The following SEMG2 variants were observed in gnomAD, a reference collection of about 807,000 sequenced individuals.
The protein encoded by SEMG2 is semenogelin-2.
In SEMG2, 3 loss-of-function variants were observed where a neutral mutation model predicts 8.1. That is an observed-to-expected ratio of 0.37 (90% CI 0.17 to 0.96). SEMG2 has a LOEUF of 0.96. Ranked by LOEUF, SEMG2 falls within the 40% of genes least tolerant of loss-of-function variation. The pLI is 0.41. For missense variants in SEMG2, 726 were observed against 671.2 expected, an observed-to-expected ratio of 1.08 and a Z score of -0.90; for synonymous variants, 252 against 231.4, an observed-to-expected ratio of 1.09 and a Z score of -0.81.
At position 45,222,511 on chromosome 20, in the gene SEMG2, A is replaced by G; in HGVS notation, c.879A>G (p.Thr293=). The part of the protein sequence containing the change: ...AHKISYPSSR[T]EERQLHHGEK... ...AAATATCATACCCGTCTTCACGTAC[A>G]GAAGAAAGACAACTTCACCATGGAG... Residue 293 remains threonine, a synonymous_variant, in exon 2 of 3, where the codon ACA becomes ACG. Coordinates refer to ENST00000372769, the MANE Select transcript of SEMG2 (RefSeq NM_003008.3). 6.2e-7 allele frequency: 1 copy of G among 1,613,998 alleles called. No individual in the cohort carries two copies. Among genetic ancestry groups the G allele is most frequent in the South Asian group, 1.1e-5 (1 of 91,056 alleles).
rs1308209997 is a variant in SEMG2, at chr20:45,221,997, A to AT, written c.369dup (p.His124SerfsTer8). 1 of 1,614,032 alleles carries AT rather than the reference A, an allele frequency of 6.2e-7. No homozygotes were observed. Among genetic ancestry groups the AT allele is most frequent in the Non-Finnish European group, 8.5e-7 (1 of 1,180,024 alleles). On this transcript the variant is annotated frameshift_variant, in exon 2 of 3. Coordinates refer to ENST00000372769, the MANE Select transcript of SEMG2 (RefSeq NM_003008.3). LOFTEE classifies it low-confidence loss of function (END_TRUNC). ...AGAGACCATGATAAATCAAAAGGTCATTTTCACATGATAGTTATACATCAT... is the reference window on the plus strand; with the variant it reads ...AGAGACCATGATAAATCAAAAGGTCATTTTTCACATGATAGTTATACATCAT...
At chr20:45,221,629 G>T in intron 1 of SEMG2, 80 bp from the exon 2 acceptor site, 1 of 1,415,906 alleles carries the variant, frequency 7.1e-7, no homozygotes, top group Non-Finnish European at 9.7e-7. Context: ...TCAGAAATTT[G>T]TTGGGAAAAG....
chr20:45,221,539 A>G (rs1984012528), intron 1 of SEMG2, 74 bp downstream of exon 1: 1 of 1,538,636 alleles, frequency 6.5e-7, no homozygotes, highest in East Asian at 2.2e-5. Flanking sequence ...GGGTGCAAAC[A>G]GTAACCTGTT....
In SEMG2 at chr20:45,223,352, A is replaced by G; in HGVS notation, c.1720A>G (p.Asn574Asp). 3.7e-6 allele frequency: 6 copies of G among 1,613,230 alleles called. No homozygotes were observed. Among genetic ancestry groups the G allele is most frequent in the Non-Finnish European group, 5.1e-6 (6 of 1,179,470 alleles). Reference protein sequence around the residue: ...AQDDHLTQQYNEDRNPIST With the variant: ...AQDDHLTQQYDEDRNPIST ...AGATGATCATTTGACACAACAATAT[A>G]ATGAAGACAGAAATCCAATATCTAC... The change falls in exon 2 of 3, where the codon AAT becomes GAT. Residue 574 changes from asparagine (N) to aspartate (D), a missense_variant. Coordinates refer to ENST00000372769, the MANE Select transcript of SEMG2 (RefSeq NM_003008.3).
chr20:45,222,981 T>A lies in SEMG2; in HGVS notation c.1349T>A (p.Val450Glu). 6.2e-7 allele frequency: 1 copy of A among 1,613,890 alleles called. No homozygotes were observed. Among genetic ancestry groups the A allele is most frequent in the Non-Finnish European group, 8.5e-7 (1 of 1,179,960 alleles). ...EKIHGKSQNQ[V>E]TIPSQDQEHG... ...ATACATGGCAAGTCTCAAAACCAGG[T>A]AACAATTCCTAGTCAAGATCAAGAG... is the stretch of plus-strand genomic sequence containing the variant. The change falls in exon 2 of 3, where the codon GTA (valine) becomes GAA (glutamate). Residue 450 changes from valine (V) to glutamate (E), a missense_variant. Transcript: ENST00000372769.
Position 45,222,117 on chromosome 20 carries a change from C to T in SEMG2, c.485C>T (p.Thr162Ile). The stretch of plus-strand genomic sequence containing the variant: ...GGATTATCCAGTCAATGTTCAAACA[C>T]AGAAAAAAGGCTATGGGTTCATGGA... Reference protein sequence around the residue: ...GKGLSSQCSNTEKRLWVHGLS... With the variant: ...GKGLSSQCSNIEKRLWVHGLS... Residue 162 changes from threonine (T) to isoleucine (I), a missense_variant, in exon 2 of 3, where the codon ACA (threonine) becomes ATA (isoleucine). Transcript: ENST00000372769. The T allele has an allele frequency of 6.2e-7, 1 of 1,613,180 alleles. No individual in the cohort carries two copies. The highest frequency in any genetic ancestry group is 8.5e-7 in the Non-Finnish European group (1 of 1,179,772).
In SEMG2 at chr20:45,221,798, C is replaced by T. The variant is rs1568840429; in HGVS notation, c.166C>T (p.His56Tyr). Residue 56 changes from histidine to tyrosine, a missense_variant, in exon 2 of 3, where the codon CAT (histidine) becomes TAT (tyrosine). By Grantham distance (83) the His-to-Tyr change is moderately conservative. Coordinates refer to ENST00000372769, the MANE Select transcript of SEMG2 (RefSeq NM_003008.3). ...QHYFGQKDQQ[H>Y]TKSKGSFSIQ... ...CTATTTTGGACAAAAAGACCAACAA[C>T]ATACTAAATCCAAAGGCAGTTTTTC... The T allele has an allele frequency of 1.2e-6, 2 of 1,614,154 alleles. No individual in the cohort carries two copies. The highest frequency in any genetic ancestry group is 2.2e-5 in the South Asian group (2 of 91,078).
At position 45,221,414 on chromosome 20, in the gene SEMG2, C is replaced by T. The variant is rs1406283738; in HGVS notation, c.25C>T (p.Leu9Phe). ...GATGAAGTCCATCATCCTCTTTGTC[C>T]TTTCCCTGCTCCTTATCTTGGAGAA... MKSIILFVLSLLLILEKQA... is the reference protein window; with the variant it reads MKSIILFVFSLLLILEKQA... Residue 9 changes from leucine to phenylalanine, a missense_variant, in exon 1 of 3, where the codon CTT (leucine) becomes TTT (phenylalanine). Coordinates refer to ENST00000372769, the MANE Select transcript of SEMG2 (RefSeq NM_003008.3). 9.3e-6 allele frequency: 15 copies of T among 1,613,992 alleles called. No homozygotes were observed. Among genetic ancestry groups the T allele is most frequent in the African/African-American group, 1.3e-5 (1 of 74,918 alleles).
chr20:45,222,186 G>A lies in SEMG2; in HGVS notation c.554G>A (p.Arg185Lys). The A allele has an allele frequency of 6.2e-7, 1 of 1,614,138 alleles. No individual in the cohort carries two copies. Among genetic ancestry groups the A allele is most frequent in the Non-Finnish European group, 8.5e-7 (1 of 1,180,004 alleles). The part of the protein sequence containing the change: ...QASASGAQKG[R>K]TQGGSQSSYV... ...TCAGCCTCTGGTGCACAAAAAGGTAGAACACAAGGTGGATCCCAAAGCAGT... is the reference window on the plus strand; with the variant it reads ...TCAGCCTCTGGTGCACAAAAAGGTAAAACACAAGGTGGATCCCAAAGCAGT... Residue 185 changes from arginine to lysine, a missense_variant, in exon 2 of 3, where the codon AGA (arginine) becomes AAA (lysine). Physicochemically the swap from Arg to Lys is conservative, Grantham distance 26. Coordinates refer to ENST00000372769, the MANE Select transcript of SEMG2 (RefSeq NM_003008.3).
rs1291061328 is a variant in SEMG2, at chr20:45,221,934, G to A, written c.302G>A (p.Gly101Asp). ...HKATKSKQHLGGSQQLLNYKQ... is the reference protein window; with the variant it reads ...HKATKSKQHLDGSQQLLNYKQ... Reference sequence around the variant, plus strand: ...GCGACAAAATCAAAACAACACCTAGGTGGAAGTCAACAACTGCTCAATTAT... The same window carrying A: ...GCGACAAAATCAAAACAACACCTAGATGGAAGTCAACAACTGCTCAATTAT... The change falls in exon 2 of 3, where the codon GGT becomes GAT. Residue 101 changes from glycine to aspartate, a missense_variant. Physicochemically the swap from Gly to Asp is moderately conservative, Grantham distance 94 (BLOSUM62 -1). Transcript: ENST00000372769. 3 of 1,613,286 alleles carry A rather than the reference G, an allele frequency of 1.9e-6. No homozygotes were observed. Among genetic ancestry groups the A allele is most frequent in the Non-Finnish European group, 2.5e-6 (3 of 1,179,820 alleles).
At chr20:45,223,735 T>C (rs1035821708) in intron 2 of SEMG2, among the ~76,000 whole-genome samples, 2 of 152,268 alleles carry the variant, frequency 1.3e-5, no homozygotes, top group Non-Finnish European at 2.9e-5. Context: ...TATGAGTTTA[T>C]GGTATACTCT....
intron 1 of SEMG2, 38 bp downstream of exon 1, chr20:45,221,503 A>T (rs774663226): frequency 2.5e-6 from 4 of 1,609,212 alleles, no homozygotes; most frequent in South Asian, 1.1e-5. Flanking sequence ...AAGCTACTTT[A>T]AAAAAATGGC....
At position 45,222,819 on chromosome 20, in the gene SEMG2, C is replaced by T. The variant is rs763671389; in HGVS notation, c.1187C>T (p.Ala396Val). The T allele has an allele frequency of 1.2e-6, 2 of 1,606,156 alleles. No homozygotes were observed. The highest frequency in any genetic ancestry group is 1.7e-5 in the Admixed American group (1 of 59,308). ...SQNQVRIPSQAQEYGHKENKI... is the reference protein window; with the variant it reads ...SQNQVRIPSQVQEYGHKENKI... ...AACCAGGTAAGAATTCCTAGTCAAG[C>T]TCAAGAGTATGGCCATAAGGAAAAT... Residue 396 changes from alanine (A) to valine (V), a missense_variant, in exon 2 of 3, where the codon GCT (alanine) becomes GTT (valine). Ala to Val is a moderately conservative substitution (Grantham distance 64, BLOSUM62 0). Transcript: ENST00000372769.
rs561978863 is a variant in SEMG2, at chr20:45,223,440, C to T, written c.*44+15C>T. 167 of 1,277,932 alleles carry T rather than the reference C, an allele frequency of 1.3e-4. 1 individual carries two copies. In the South Asian group the frequency reaches 2.2e-3, roughly 17 times the overall value. The allele number at this position is 1,277,932 out of a possible 1,614,324, so 79.2% of individuals were successfully genotyped here. A position where few individuals can be genotyped will look rare whatever the true frequency, so the allele number is the denominator to read the frequency against. On this transcript the variant is annotated intron_variant, in intron 2 of 2. Transcript: ENST00000372769. ...CCAATAGCAAGGTAAGTTTGCTTTT[C>T]TTACCAAATAGGAGAGGTGCCTGTC...
chr20:45,223,375 T>G lies in SEMG2; in HGVS notation c.1743T>G (p.Ser581=). 1 of 1,604,102 alleles carries G rather than the reference T, an allele frequency of 6.2e-7. No individual in the cohort carries two copies. The highest frequency in any genetic ancestry group is 8.5e-7 in the Non-Finnish European group (1 of 1,173,014). The part of the protein sequence containing the change: ...QQYNEDRNPI[S]T ...ATAATGAAGACAGAAATCCAATATCTACATAGCCCTGTTGCTTAGCAACCA... is the reference window on the plus strand; with the variant it reads ...ATAATGAAGACAGAAATCCAATATCGACATAGCCCTGTTGCTTAGCAACCA... The change falls in exon 2 of 3, where the codon TCT becomes TCG. Residue 581 remains serine, a synonymous_variant. Coordinates refer to ENST00000372769, the MANE Select transcript of SEMG2 (RefSeq NM_003008.3).
At position 45,222,177 on chromosome 20, in the gene SEMG2, A is replaced by G; in HGVS notation, c.545A>G (p.Gln182Arg). 6.2e-7 allele frequency: 1 copy of G among 1,614,200 alleles called. No homozygotes were observed. Residue 182 changes from glutamine to arginine, a missense_variant, in exon 2 of 3, where the codon CAA (glutamine) becomes CGA (arginine). By Grantham distance (43) the Gln-to-Arg change is conservative. Transcript: ENST00000372769. ...SKEQASASGA[Q>R]KGRTQGGSQS... is the part of the protein sequence containing the mutation. ...GAACAAGCTTCAGCCTCTGGTGCAC[A>G]AAAAGGTAGAACACAAGGTGGATCC...
Position 45,221,758 on chromosome 20 carries a change from A to T in SEMG2, c.126A>T (p.Gly42=). The T allele has an allele frequency of 6.2e-7, 1 of 1,611,972 alleles. No individual in the cohort carries two copies. Among genetic ancestry groups the T allele is most frequent in the East Asian group, 2.2e-5 (1 of 44,890 alleles). Residue 42 remains glycine (G), a synonymous_variant, in exon 2 of 3, where the codon GGA becomes GGT. Coordinates refer to ENST00000372769, the MANE Select transcript of SEMG2 (RefSeq NM_003008.3). ...LPSGSSQFPH[G]QKGQHYFGQK... ...GCGGATCTTCCCAATTTCCACATGG[A>T]CAAAAGGGCCAGCACTATTTTGGAC...
At chr20:45,223,564 T>A in intron 2 of SEMG2, 139 bp downstream of exon 2, 1 of 501,728 alleles carries the variant, frequency 2.0e-6, no homozygotes, top group Non-Finnish European at 3.5e-6. Flanking sequence ...TGAACACCAT[T>A]TCCTGGCGAG....
chr20:45,221,994 G>T lies in SEMG2; in HGVS notation c.362G>T (p.Gly121Val). ...QEGRDHDKSK[G>V]HFHMIVIHHK... ...GGCAGAGACCATGATAAATCAAAAG[G>T]TCATTTTCACATGATAGTTATACAT... is the stretch of plus-strand genomic sequence containing the variant. The change falls in exon 2 of 3, where the codon GGT becomes GTT. Residue 121 changes from glycine to valine, a missense_variant. Transcript: ENST00000372769. 6.2e-7 allele frequency: 1 copy of T among 1,614,048 alleles called. No homozygotes were observed. Among genetic ancestry groups the T allele is most frequent in the Non-Finnish European group, 8.5e-7 (1 of 1,179,992 alleles).
Sources: allele counts gnomAD v4.1 joint callset (sites outside exome capture counted in the v4.1 genomes callset), GRCh38; gene constraint gnomAD v4.1.1; transcripts MANE v1.5; gene names NCBI Gene and HGNC (gene_info 2026-07-23, HGNC 2026-07-21).